Variants in BTRC observed in about 807,000 individuals in gnomAD.
BTRC encodes F-box/WD repeat-containing protein 1A.
Under a neutral mutation model 85.5 loss-of-function variants are expected in BTRC, and 42 were observed. That is an observed-to-expected ratio of 0.49 (90% confidence interval 0.38 to 0.64). BTRC has a LOEUF of 0.64. BTRC is among the 30% of genes least tolerant of loss of function. BTRC has a pLI of 0.00. For missense variants in BTRC, 594 were observed against 743.5 expected, an observed-to-expected ratio of 0.80 and a Z score of 2.34; for synonymous variants, 255 against 263.3, an observed-to-expected ratio of 0.97 and a Z score of 0.30.
At chr10:101,548,361 T>C (rs1459186806) in intron 13 of BTRC, among the ~76,000 whole-genome samples, 1 of 152,210 alleles carries the variant, frequency 6.6e-6, no homozygotes, top group Non-Finnish European at 1.5e-5. Flanking sequence ...TGGATTGTAG[T>C]ATATTCATAC....
At chr10:101,426,268 C>G (rs1441614074) in intron 1 of BTRC, among the ~76,000 whole-genome samples, 1 of 152,138 alleles carries the variant, frequency 6.6e-6, no homozygotes, top group Non-Finnish European at 1.5e-5. Flanking sequence ...TGTTACAAAA[C>G]AAACCAATTT....
At chr10:101,532,000 C>T (rs2062290160) in intron 7 of BTRC, among the ~76,000 whole-genome samples, 1 of 152,158 alleles carries the variant, frequency 6.6e-6, no homozygotes, top group Non-Finnish European at 1.5e-5. Flanking sequence ...TGTATAACCT[C>T]ACGTAGTTCG....
intron 2 of BTRC, among the ~76,000 whole-genome samples, chr10:101,446,232 G>T (rs899092150): frequency 1.3e-5 from 2 of 151,272 alleles, no homozygotes; most frequent in Admixed American, 6.7e-5. Context: ...ATAATTTCCT[G>T]TGGAAACGGA....
intron 2 of BTRC, among the ~76,000 whole-genome samples, chr10:101,454,361 AG>A (rs1429430132): frequency 2.6e-5 from 4 of 152,214 alleles, no homozygotes; most frequent in African/African-American, 9.6e-5. Context: ...CAGTAGAGTA[AG>A]GTGGAGTAGT....
At position 101,553,574 on chromosome 10, in the gene BTRC, A is replaced by C. The variant is rs1019733800; in HGVS notation, c.*451A>C. ...CCCACTTCTAGGGTATGGGGGATGC[A>C]GCTTCAAGCCCAGTGCCCAGTGTCT... On this transcript the variant is annotated 3_prime_UTR_variant, in exon 15 of 15. Transcript: ENST00000370187. 3.3e-5 allele frequency: 5 copies of C among 152,834 alleles called. No homozygotes were observed. The highest frequency in any genetic ancestry group is 1.9e-4 in the East Asian group (1 of 5,186). 9.5% of individuals were successfully genotyped at this position (152,834 alleles called of 1,614,324 possible).
chr10:101,493,671 A>G (rs1946190987), intron 4 of BTRC, among the ~76,000 whole-genome samples: 1 of 152,218 alleles, frequency 6.6e-6, no homozygotes, highest in African/African-American at 2.4e-5. Flanking sequence ...TGATAGAGTA[A>G]TACATCTTAG....
At chr10:101,396,317 A>C (rs1443867613) in intron 1 of BTRC, among the ~76,000 whole-genome samples, 1 of 151,680 alleles carries the variant, frequency 6.6e-6, no homozygotes, top group Admixed American at 6.6e-5. Flanking sequence ...AGTTTTTATA[A>C]ATGCTCATTT....
intron 1 of BTRC, among the ~76,000 whole-genome samples, chr10:101,392,958 C>G (rs1055428877): frequency 6.6e-6 from 1 of 152,156 alleles, no homozygotes; most frequent in Non-Finnish European, 1.5e-5. Flanking sequence ...AGGCCTCAGC[C>G]GCAGACCTCA....
At chr10:101,495,192 C>G (rs1361755232) in intron 4 of BTRC, among the ~76,000 whole-genome samples, 1 of 152,030 alleles carries the variant, frequency 6.6e-6, no homozygotes, top group African/African-American at 2.4e-5. Flanking sequence ...TAAATGAGAC[C>G]AGAAAGATTT....
At chr10:101,484,463 A>G (rs1233037182) in intron 4 of BTRC, among the ~76,000 whole-genome samples, 1 of 152,146 alleles carries the variant, frequency 6.6e-6, no homozygotes, top group Non-Finnish European at 1.5e-5. Context: ...TTTCCATGCT[A>G]CTTGCTGTAC....
intron 1 of BTRC, among the ~76,000 whole-genome samples, chr10:101,414,144 G>T (rs1490916267): frequency 6.6e-6 from 1 of 152,094 alleles, no homozygotes; most frequent in Non-Finnish European, 1.5e-5. Context: ...TCACCTCTCA[G>T]CTCCTGGCAA....
In BTRC at chr10:101,534,930, T is replaced by C. The variant is rs111579762; in HGVS notation, c.1347+20T>C. The C allele has an allele frequency of 1.2e-6, 2 of 1,603,846 alleles. No homozygotes were observed. The highest frequency in any genetic ancestry group is 1.7e-6 in the Non-Finnish European group (2 of 1,171,102). On this transcript the variant is annotated intron_variant, in intron 10 of 14. Coordinates refer to ENST00000370187, the MANE Select transcript of BTRC (RefSeq NM_033637.4). ...ATAAAGGTAATAAGGCATTTTTCAG[T>C]AAGTTTCCAACTTAGAATGGGGGAA...
At chr10:101,371,699 A>G (rs145842754) in intron 1 of BTRC, among the ~76,000 whole-genome samples, 2 of 152,224 alleles carry the variant, frequency 1.3e-5, no homozygotes, top group African/African-American at 2.4e-5. Context: ...ACCTTTGTGA[A>G]TAATGCTGCT....
intron 13 of BTRC, among the ~76,000 whole-genome samples, chr10:101,545,628 A>G (rs1252884265): frequency 1.3e-5 from 2 of 152,222 alleles, no homozygotes; most frequent in East Asian, 3.8e-4. Flanking sequence ...GAAGATGACC[A>G]TCTACAAGTC....
chr10:101,375,464 C>G (rs1330669372), intron 1 of BTRC, among the ~76,000 whole-genome samples: 1 of 152,188 alleles, frequency 6.6e-6, no homozygotes, highest in Non-Finnish European at 1.5e-5. Flanking sequence ...ATAAATTACC[C>G]AGTCTCAGGC....
At chr10:101,379,276 T>C (rs983632260) in intron 1 of BTRC, among the ~76,000 whole-genome samples, 2 of 152,234 alleles carry the variant, frequency 1.3e-5, no homozygotes, top group Non-Finnish European at 2.9e-5. Flanking sequence ...CTGACACATA[T>C]GCACCTCATC....
chr10:101,543,651 T>C (rs1432084986), intron 13 of BTRC, among the ~76,000 whole-genome samples: 1 of 151,942 alleles, frequency 6.6e-6, no homozygotes, highest in East Asian at 1.9e-4. Context: ...TTAGCTCCTA[T>C]TATGGGTTCT....
intron 1 of BTRC, among the ~76,000 whole-genome samples, chr10:101,410,899 G>A (rs1229483847): frequency 6.6e-6 from 1 of 151,046 alleles, no homozygotes; most frequent in East Asian, 1.9e-4. Flanking sequence ...TGTATATTAT[G>A]AACACTGTAA....
chr10:101,427,786 C>T (rs1440368014), intron 1 of BTRC, among the ~76,000 whole-genome samples: 1 of 152,078 alleles, frequency 6.6e-6, no homozygotes, highest in Non-Finnish European at 1.5e-5. Flanking sequence ...CCTCGCCCTC[C>T]CAAAGTGCTG....
Sources: gnomAD v4.1 joint callset for allele counts (sites outside exome capture counted in the v4.1 genomes callset) on GRCh38, gnomAD v4.1.1 for gene constraint, MANE v1.5 for transcripts, NCBI Gene and HGNC (gene_info 2026-07-23, HGNC 2026-07-21) for gene names.